The following AARS1 variants were observed in gnomAD, a reference collection of about 807,000 sequenced individuals.
The protein encoded by AARS1 is alanine--tRNA ligase, cytoplasmic.
A neutral mutation model predicts 108.9 loss-of-function variants in AARS1; 72 were observed. That is an observed-to-expected ratio of 0.66 (90% confidence interval 0.55 to 0.80). The LOEUF is 0.80. Ranked by LOEUF, AARS1 falls within the 30% of genes least tolerant of loss-of-function variation. AARS1 has a pLI of 0.00. For missense variants in AARS1, 1,193 were observed against 1,233.2 expected (o/e 0.97, Z 0.49); for synonymous variants, 489 against 465.7 (o/e 1.05, Z -0.64).
At chr16:70,276,711 C>CA in intron 3 of AARS1, 80 bp from the exon 4 acceptor site, 1 of 1,477,590 alleles carries the variant, frequency 6.8e-7, no homozygotes, top group Non-Finnish European at 9.4e-7. Flanking sequence ...GCTAGGAACA[C>CA]AGATACAAAA....
In AARS1 at chr16:70,272,506, CAAAAAAAAAAAAAA is replaced by C. The variant is rs34129241; in HGVS notation, c.480-548_480-535del. Reference sequence around the variant, plus strand: ...GGGCAACGAGAGCAAAACTCCATCTCAAAAAAAAAAAAAAAAAAAAAAAAAAAAAACCCGCTAAA... The same window carrying C: ...GGGCAACGAGAGCAAAACTCCATCTCAAAAAAAAAAAAAAAACCCGCTAAA... On this transcript the variant is annotated intron_variant, in intron 4 of 20. Transcript: ENST00000261772. Among the ~76,000 whole-genome samples the C allele has an allele frequency of 2.5e-3, 42 of 17,026 alleles. 2 individuals carry two copies. Among genetic ancestry groups the C allele is most frequent in the African/African-American group, 6.6e-3 (36 of 5,414 alleles). 11.2% of individuals were successfully genotyped at this position (17,026 alleles called of 152,430 possible).
At chr16:70,256,811 T>C (rs1052515328) in intron 15 of AARS1, among the ~76,000 whole-genome samples, 1 of 151,974 alleles carries the variant, frequency 6.6e-6, no homozygotes, top group African/African-American at 2.4e-5. Flanking sequence ...GTCTCAACCA[T>C]GACATTAAGA....
rs1239878849 is a variant in AARS1 at position 70,269,637 on chromosome 16, G to T, written c.943C>A (p.Pro315Thr). The T allele has an allele frequency of 6.2e-7, 1 of 1,613,954 alleles. No homozygotes were observed. Among genetic ancestry groups the T allele is most frequent in the Non-Finnish European group, 8.5e-7 (1 of 1,180,040 alleles). The part of the protein sequence containing the change: ...ITVALADGGR[P>T]DNTGRGYVLR... ...ACTTACCCACGCCCTGTGTTGTCAG[G>T]CCGGCCACCATCAGCCAGTGCCACA... The change falls in exon 7 of 21, where the codon CCT becomes ACT. Residue 315 changes from proline (P) to threonine (T), a missense_variant. By Grantham distance (38) the Pro-to-Thr change is conservative (BLOSUM62 -1). Transcript: ENST00000261772.
At chr16:70,287,218 G>A (rs1308244795) in intron 1 of AARS1, among the ~76,000 whole-genome samples, 5 of 126,978 alleles carry the variant, frequency 3.9e-5, no homozygotes, top group African/African-American at 8.9e-5. Flanking sequence ...TCGCGCCACT[G>A]CACTCCAGCC....
intron 8 of AARS1, among the ~76,000 whole-genome samples, chr16:70,268,011 A>G (rs1484146512): frequency 6.6e-6 from 1 of 152,212 alleles, no homozygotes; most frequent in East Asian, 1.9e-4. Flanking sequence ...CTACTAAAAC[A>G]GAAAAGATTA....
At chr16:70,275,840 G>A (rs1028643326) in intron 4 of AARS1, among the ~76,000 whole-genome samples, 1 of 143,718 alleles carries the variant, frequency 7.0e-6, no homozygotes, top group Admixed American at 7.4e-5. Flanking sequence ...AGGAGGCTGA[G>A]GAAGGAGAAT....
chr16:70,261,794 C>T (rs1000012955), intron 12 of AARS1, among the ~76,000 whole-genome samples: 2 of 151,350 alleles, frequency 1.3e-5, no homozygotes, highest in African/African-American at 2.4e-5. Context: ...CTCAGCTTCC[C>T]GAGCAGGTGG....
rs1464693177 is a variant in AARS1 at position 70,254,038 on chromosome 16, C to T, written c.2401G>A (p.Ala801Thr). Residue 801 changes from alanine (A) to threonine (T), a missense_variant and splice_region_variant, in exon 18 of 21, where the codon GCC (alanine) becomes ACC (threonine). Transcript: ENST00000261772. ...TGGGGGATGACTGCAGTGGCCAGGGCCTGGAACCAATAGACGACCATCTCA... is the reference window on the plus strand; with the variant it reads ...TGGGGGATGACTGCAGTGGCCAGGGTCTGGAACCAATAGACGACCATCTCA... ...VQREIADLGEALATAVIPQWQ... is the reference protein window; with the variant it reads ...VQREIADLGETLATAVIPQWQ... 6.2e-7 allele frequency: 1 copy of T among 1,614,036 alleles called. No individual in the cohort carries two copies. Among genetic ancestry groups the T allele is most frequent in the Non-Finnish European group, 8.5e-7 (1 of 1,180,038 alleles).
At position 70,262,524 on chromosome 16, in the gene AARS1, A is replaced by G; in HGVS notation, c.1493T>C (p.Val498Ala). 6.2e-7 allele frequency: 1 copy of G among 1,610,452 alleles called. No homozygotes were observed. The highest frequency in any genetic ancestry group is 8.5e-7 in the Non-Finnish European group (1 of 1,177,034). ...NYHLDSSGSY[V>A]FENTVATVMA... ...CACCGTAGCCACTGTGTTCTCAAAT[A>G]CTGCTCAAGGGAAATGCATAGAAAG... is the stretch of plus-strand genomic sequence containing the variant. The change falls in exon 12 of 21, where the codon GTA (valine) becomes GCA (alanine). Residue 498 changes from valine (V) to alanine (A), a missense_variant and splice_region_variant. Val to Ala is a moderately conservative substitution (Grantham distance 64). Coordinates refer to ENST00000261772, the MANE Select transcript of AARS1 (RefSeq NM_001605.3).
chr16:70,255,812 T>C lies in AARS1; in HGVS notation c.2202A>G (p.Ala734=). ...GGTHLRNSSH[A]GAFVIVTEEA... The stretch of plus-strand genomic sequence containing the variant: ...CTTCCGTCACGATCACAAAAGCTCC[T>C]GCATGACTCGAGTTCCGCAGGTGCC... The change falls in exon 16 of 21, where the codon GCA becomes GCG. Residue 734 remains alanine (A), a synonymous_variant. Transcript: ENST00000261772. 6.2e-7 allele frequency: 1 copy of C among 1,614,072 alleles called. No homozygotes were observed.
chr16:70,265,456 A>T, intron 10 of AARS1, 82 bp downstream of exon 10: 2 of 1,600,980 alleles, frequency 1.2e-6, no homozygotes, highest in Non-Finnish European at 1.7e-6. Flanking sequence ...CTTTAATGGA[A>T]GGAAACTCAT....
At chr16:70,271,755 G>T (rs1960408057) in intron 5 of AARS1, 26 bp downstream of exon 5, 1 of 1,612,086 alleles carries the variant, frequency 6.2e-7, no homozygotes, top group South Asian at 1.1e-5. Context: ...CTCAAGGAAA[G>T]GAATGGAGTA....
chr16:70,289,310 C>T (rs1022709575), intron 1 of AARS1, 111 bp downstream of exon 1: 1 of 348,392 alleles, frequency 2.9e-6, no homozygotes, highest in Non-Finnish European at 5.7e-6. Flanking sequence ...TGGGCTTCTC[C>T]AGGCCACGCG....
chr16:70,284,725 C>A (rs1039153719), intron 1 of AARS1, among the ~76,000 whole-genome samples: 36 of 152,322 alleles, frequency 2.4e-4, no homozygotes, highest in Non-Finnish European at 4.0e-4. Flanking sequence ...GTGCCACAAA[C>A]TGCTGTGTCT....
At chr16:70,272,556 A>G (rs1445692498) in intron 4 of AARS1, among the ~76,000 whole-genome samples, 1 of 149,296 alleles carries the variant, frequency 6.7e-6, no homozygotes, top group Admixed American at 6.8e-5. Flanking sequence ...GAAACAGCAC[A>G]TGACTCTTCT....
At chr16:70,263,907 G>A (rs1006778274) in intron 11 of AARS1, among the ~76,000 whole-genome samples, 5 of 152,082 alleles carry the variant, frequency 3.3e-5, no homozygotes, top group Non-Finnish European at 7.3e-5. Flanking sequence ...GAAGTGCTGG[G>A]ATTACAGGCA....
intron 12 of AARS1, chr16:70,261,554 T>TGC: frequency 7.3e-5 from 14 of 191,414 alleles, no homozygotes; most frequent in South Asian, 3.3e-4. Context: ...GCCAAGATCA[T>TGC]GCCACTGCAC....
intron 4 of AARS1, among the ~76,000 whole-genome samples, chr16:70,273,594 G>A (rs1960462812): frequency 6.6e-6 from 1 of 152,058 alleles, no homozygotes; most frequent in South Asian, 2.1e-4. Flanking sequence ...CGGGCGCAGT[G>A]GCTCACGCCT....
intron 11 of AARS1, among the ~76,000 whole-genome samples, 199 bp from the exon 12 acceptor site, chr16:70,262,723 C>T (rs369723650): frequency 8.2e-4 from 125 of 151,950 alleles, no homozygotes; most frequent in African/African-American, 2.8e-3. Flanking sequence ...AATCCCAGCA[C>T]TTTGGGAGGT....
Sources: allele counts gnomAD v4.1 joint callset (sites outside exome capture counted in the v4.1 genomes callset), GRCh38; gene constraint gnomAD v4.1.1; transcripts MANE v1.5; gene names NCBI Gene and HGNC (gene_info 2026-07-23, HGNC 2026-07-21).